Variants in MYT1L observed in about 807,000 individuals in gnomAD.
MYT1L encodes myelin transcription factor 1-like protein.
MYT1L carries 12 observed loss-of-function variants against 126.7 expected under a neutral mutation model. The ratio of observed to expected loss-of-function variants is 0.09; its 90% CI spans 0.06 to 0.15. The LOEUF is 0.15. MYT1L is among the 10% of genes least tolerant of loss of function. The pLI is 1.00. For missense variants in MYT1L, 979 were observed against 1,585.2 expected (o/e 0.62, Z 6.49); for synonymous variants, 541 against 604.2 (o/e 0.90, Z 1.53).
intron 2 of MYT1L, among the ~76,000 whole-genome samples, chr2:2,272,775 G>T (rs77104443): frequency 6.6e-6 from 1 of 152,082 alleles, no homozygotes; most frequent in Non-Finnish European, 1.5e-5. Flanking sequence ...TGAGCAAATG[G>T]CACTTTCATT....
chr2:1,852,752 C>G lies in MYT1L; in HGVS notation c.2712-1049G>C, dbSNP rs1370646183. Among the ~76,000 whole-genome samples, 5 of 152,158 alleles carry G rather than the reference C, an allele frequency of 3.3e-5. No individual in the cohort carries two copies. Among genetic ancestry groups the G allele is most frequent in the Non-Finnish European group, 5.9e-5 (4 of 68,026 alleles). On this transcript the variant is annotated intron_variant, in intron 18 of 24. Transcript: ENST00000647738. This position sits in a 1 kb window ranked among gnomAD's most constrained non-coding sequence, Gnocchi z 4.0. The stretch of plus-strand genomic sequence containing the variant: ...AAGCAACTTAGTGAGCAATATTACA[C>G]CTAGTAGGAAGCATCAAAGCATACT...
chr2:2,225,207 T>C (rs1035004250), intron 2 of MYT1L, among the ~76,000 whole-genome samples: 1 of 151,804 alleles, frequency 6.6e-6, no homozygotes, highest in Non-Finnish European at 1.5e-5. Context: ...GCCTTAATCC[T>C]CTCCTCACTC....
chr2:2,274,369 AG>A (rs2095320649), intron 2 of MYT1L, among the ~76,000 whole-genome samples: 1 of 148,018 alleles, frequency 6.8e-6, no homozygotes, highest in African/African-American at 2.5e-5. Context: ...GGAAGGAGGG[AG>A]GGAGGGAGAG....
intron 18 of MYT1L, among the ~76,000 whole-genome samples, chr2:1,882,795 A>G (rs980503220): frequency 6.6e-6 from 1 of 152,252 alleles, no homozygotes; most frequent in African/African-American, 2.4e-5. Flanking sequence ...CTGTGCCTGC[A>G]TTAAGTTTAC....
chr2:2,285,340 T>C (rs763939156), intron 1 of MYT1L, among the ~76,000 whole-genome samples: 6 of 152,122 alleles, frequency 3.9e-5, no homozygotes, highest in Non-Finnish European at 8.8e-5. Context: ...ATAAGAGGTG[T>C]TTAAAAAACA....
intron 3 of MYT1L, among the ~76,000 whole-genome samples, chr2:2,138,900 C>T (rs372535119): frequency 1.6e-4 from 25 of 151,576 alleles, no homozygotes; most frequent in Non-Finnish European, 2.9e-4. Flanking sequence ...TGTGGTTTCC[C>T]GCCTGGGCCG....
intron 18 of MYT1L, among the ~76,000 whole-genome samples, chr2:1,880,772 C>T (rs1363196680): frequency 1.3e-5 from 2 of 152,168 alleles, no homozygotes; most frequent in African/African-American, 4.8e-5. Flanking sequence ...TTTTCTTTTG[C>T]ACAAAGAACC....
intron 2 of MYT1L, among the ~76,000 whole-genome samples, chr2:2,205,714 CAGGGTTGATATCCACCT>C (rs1301742482): frequency 6.6e-6 from 1 of 152,128 alleles, no homozygotes; most frequent in Non-Finnish European, 1.5e-5. Flanking sequence ...TCAATGCTAC[CAGGGTTGATATCCACCT>C]AGAGCAATGC....
chr2:1,881,671 AG>A (rs1030060691), intron 18 of MYT1L, among the ~76,000 whole-genome samples: 3 of 152,072 alleles, frequency 2.0e-5, no homozygotes, highest in African/African-American at 7.2e-5. Context: ...GCTTTCCACC[AG>A]GGATGTGGCA....
chr2:2,107,091 C>T (rs1027006892), intron 3 of MYT1L, among the ~76,000 whole-genome samples: 8 of 152,194 alleles, frequency 5.3e-5, no homozygotes, highest in Non-Finnish European at 1.2e-4. Flanking sequence ...TTGTACAATG[C>T]TTACAGAAAC....
intron 1 of MYT1L, chr2:2,303,701 G>A (rs956741811): frequency 1.3e-5 from 2 of 152,256 alleles, no homozygotes; most frequent in African/African-American, 4.8e-5. Flanking sequence ...AAACCAAGAG[G>A]AGACGTTTAA....
intron 5 of MYT1L, among the ~76,000 whole-genome samples, chr2:1,987,184 C>T (rs551998633): frequency 2.6e-5 from 4 of 152,150 alleles, no homozygotes; most frequent in East Asian, 3.9e-4. Context: ...TGGGGGGTAC[C>T]CGAACAGTCT....
chr2:1,906,564 T>C (rs1240582312), intron 13 of MYT1L, among the ~76,000 whole-genome samples: 2 of 152,194 alleles, frequency 1.3e-5, no homozygotes, highest in African/African-American at 2.4e-5. Flanking sequence ...CAGTATTGGA[T>C]ATATATCCAA....
rs895705533 is a variant in MYT1L at position 1,848,883 on chromosome 2, G to A, written c.2774+2758C>T. Among the ~76,000 whole-genome samples the A allele has an allele frequency of 6.6e-6, 1 of 152,158 alleles. No homozygotes were observed. Among genetic ancestry groups the A allele is most frequent in the Admixed American group, 6.5e-5 (1 of 15,282 alleles). On this transcript the variant is annotated intron_variant, in intron 19 of 24. Coordinates refer to ENST00000647738, the MANE Select transcript of MYT1L (RefSeq NM_001303052.2). The surrounding 1 kb of genome is among the most constrained non-coding windows in gnomAD (Gnocchi z 4.8). The stretch of plus-strand genomic sequence containing the variant: ...GGAAGCTGTTACTAGAACAAGTAAC[G>A]TCACAAGGTGCTCCACCTTCAGTAC...
At chr2:1,817,722 T>C (rs916852565) in intron 21 of MYT1L, among the ~76,000 whole-genome samples, 21 of 152,058 alleles carry the variant, frequency 1.4e-4, no homozygotes, top group African/African-American at 4.6e-4. Context: ...GCGGTGCTGG[T>C]CCCGGGCTCT....
intron 2 of MYT1L, among the ~76,000 whole-genome samples, chr2:2,236,231 T>A (rs2094299186): frequency 8.2e-6 from 1 of 122,416 alleles, no homozygotes. Context: ...GCCCAGCACA[T>A]CCCAACCCAA....
At chr2:2,245,880 G>A (rs1347092546) in intron 2 of MYT1L, among the ~76,000 whole-genome samples, 1 of 152,204 alleles carries the variant, frequency 6.6e-6, no homozygotes, top group Non-Finnish European at 1.5e-5. Flanking sequence ...ATGGAGGCTG[G>A]GGCTAGGAGC....
At chr2:1,850,202 TCC>T in intron 19 of MYT1L, among the ~76,000 whole-genome samples, 2 of 24,028 alleles carry the variant, frequency 8.3e-5, no homozygotes, top group Admixed American at 1.1e-3. Context: ...CTTCCTTCCT[TCC>T]TTCCTTCCTT....
chr2:2,104,046 G>T (rs2150507676), intron 3 of MYT1L, among the ~76,000 whole-genome samples: 3 of 152,286 alleles, frequency 2.0e-5, no homozygotes, highest in Admixed American at 2.0e-4. Flanking sequence ...AGAGAGTTCA[G>T]GATAGTTGAC....
Sources: gnomAD v4.1 joint callset for allele counts (sites outside exome capture counted in the v4.1 genomes callset) on GRCh38, gnomAD v4.1.1 for gene constraint, Gnocchi (gnomAD v3.1) non-coding constraint, MANE v1.5 for transcripts, NCBI Gene and HGNC (gene_info 2026-07-23, HGNC 2026-07-21) for gene names.